The following NANS variants were observed in gnomAD, a reference collection of about 807,000 sequenced individuals.
NANS encodes N-acetylneuraminate synthase.
Under a neutral mutation model 33.3 loss-of-function variants are expected in NANS, and 29 were observed. The observed-to-expected ratio is 0.87, with a 90% CI of 0.65 to 1.19. NANS has a LOEUF of 1.19. NANS is among the 50% of genes most tolerant of loss of function. The probability of loss-of-function intolerance (pLI) is 0.00; values close to 1 mark genes in which losing one functional copy is unlikely to be tolerated. For synonymous variants in NANS, 163 were observed against 177.2 expected (o/e 0.92, Z 0.64); for missense variants, 394 against 461.1 (o/e 0.85, Z 1.33).
chr9:98,073,271 CTTTTTTTTTTTTT>C (rs10606237), intron 2 of NANS, among the ~76,000 whole-genome samples: 14 of 57,826 alleles, frequency 2.4e-4, no homozygotes, highest in African/African-American at 3.5e-4. Context: ...TCACCATGGG[CTTTTTTTTTTTTT>C]TTTTTTTTTT....
Position 98,080,215 on chromosome 9 carries a change from A to G in NANS, c.604-601A>G, listed in dbSNP as rs1179229101. ...GGTGACAGAGCAAGACTCTGTTTCA[A>G]AAAGAAATAATAAATAACAATAAAA... On this transcript the variant is annotated intron_variant, in intron 4 of 5. Transcript: ENST00000210444. Among the ~76,000 whole-genome samples, 6 of 152,218 alleles carry G rather than the reference A, an allele frequency of 3.9e-5. No homozygotes were observed. The East Asian group carries it at 1.2e-3, about 29-fold the overall frequency.
intron 1 of NANS, among the ~76,000 whole-genome samples, chr9:98,057,909 T>G (rs1828873484): frequency 6.8e-6 from 1 of 146,260 alleles, no homozygotes; most frequent in Admixed American, 7.3e-5. Context: ...ACTGTTTTTT[T>G]TTTTTTTTCC....
chr9:98,067,870 C>T (rs1053437688), intron 2 of NANS, among the ~76,000 whole-genome samples: 3 of 151,908 alleles, frequency 2.0e-5, no homozygotes, highest in Admixed American at 6.6e-5. Flanking sequence ...TATAGGCATG[C>T]GCCATCAGAC....
chr9:98,057,118 C>G lies in NANS; in HGVS notation c.132+178C>G, dbSNP rs555568968. ...TCTTCCTCACCGTGTCCGCCACCCT[C>G]GTGACCTTTCTGCATTACAGCAGCT... On this transcript the variant is annotated intron_variant, in intron 1 of 5. Transcript: ENST00000210444. 3.3e-5 allele frequency among the ~76,000 whole-genome samples: 5 copies of G among 152,372 alleles called. No individual in the cohort carries two copies. The East Asian group carries it at 9.6e-4, about 29-fold the overall frequency.
chr9:98,065,504 TTTTTTTG>T, intron 2 of NANS, among the ~76,000 whole-genome samples: 1 of 137,148 alleles, frequency 7.3e-6, no homozygotes, highest in African/African-American at 2.8e-5. Flanking sequence ...TTTTTTTTTT[TTTTTTTG>T]TATTTTTAGT....
In NANS at chr9:98,056,805, T is replaced by C; in HGVS notation, c.-4T>C. The C allele has an allele frequency of 6.2e-7, 1 of 1,610,442 alleles. No individual in the cohort carries two copies. On this transcript the variant is annotated 5_prime_UTR_variant, in exon 1 of 6. Coordinates refer to ENST00000210444, the MANE Select transcript of NANS (RefSeq NM_018946.4). ...AGTGAGGCTTTGGACCCCGAGCCGCTGCAATGCCGCTGGAGCTGGAGCTGT... is the reference window on the plus strand; with the variant it reads ...AGTGAGGCTTTGGACCCCGAGCCGCCGCAATGCCGCTGGAGCTGGAGCTGT...
intron 2 of NANS, among the ~76,000 whole-genome samples, chr9:98,063,844 G>GT (rs1263186827): frequency 1.3e-5 from 2 of 152,100 alleles, no homozygotes; most frequent in Non-Finnish European, 2.9e-5. Context: ...CACCCAGCCT[G>GT]TTTTTTTGTG....
chr9:98,070,817 T>G lies in NANS; in HGVS notation c.349-6101T>G, dbSNP rs540504689. Among the ~76,000 whole-genome samples, 294 of 152,060 alleles carry G rather than the reference T, an allele frequency of 1.9e-3. 1 individual carries two copies. Among genetic ancestry groups the G allele is most frequent in the African/African-American group, 6.8e-3 (283 of 41,446 alleles). ...GCAGACTCTTTAGTAATTTTTTTTTTTTTTTGAGACAGGGTCTCACTCTGT... is the reference window on the plus strand; with the variant it reads ...GCAGACTCTTTAGTAATTTTTTTTTGTTTTTGAGACAGGGTCTCACTCTGT... On this transcript the variant is annotated intron_variant, in intron 2 of 5. Transcript: ENST00000210444.
intron 2 of NANS, among the ~76,000 whole-genome samples, chr9:98,067,829 C>T (rs1447968923): frequency 7.5e-6 from 1 of 133,700 alleles, no homozygotes; most frequent in Non-Finnish European, 1.5e-5. Context: ...TCAAGCAATC[C>T]TCCCACCTCA....
At position 98,056,744 on chromosome 9, in the gene NANS, A is replaced by AGAGGCG. The variant is rs1448942689; in HGVS notation, c.-63_-58dup. ...CGCAGCGTTGCTCACAGAACAGAGT[A>AGAGGCG]GAGGCGGCGGCGGCGGCGGCCGGAC... is the stretch of plus-strand genomic sequence containing the variant. On this transcript the variant is annotated 5_prime_UTR_variant, in exon 1 of 6. Transcript: ENST00000210444. 6.4e-7 allele frequency: 1 copy of AGAGGCG among 1,568,198 alleles called. No homozygotes were observed. Among genetic ancestry groups the AGAGGCG allele is most frequent in the African/African-American group, 1.4e-5 (1 of 73,366 alleles).
At chr9:98,068,118 A>G (rs1356179642) in intron 2 of NANS, among the ~76,000 whole-genome samples, 3 of 151,760 alleles carry the variant, frequency 2.0e-5, no homozygotes, top group Non-Finnish European at 2.9e-5. Context: ...TTATCTATTT[A>G]TATGTTTAAA....
In NANS at chr9:98,056,750, G is replaced by A. The variant is rs1302717119; in HGVS notation, c.-59G>A. ...GTTGCTCACAGAACAGAGTAGAGGC[G>A]GCGGCGGCGGCGGCCGGACCCAGAC... On this transcript the variant is annotated 5_prime_UTR_variant, in exon 1 of 6. Transcript: ENST00000210444. 4 of 1,579,022 alleles carry A rather than the reference G, an allele frequency of 2.5e-6. No individual in the cohort carries two copies. The highest frequency in any genetic ancestry group is 3.4e-6 in the Non-Finnish European group (4 of 1,167,006).
At chr9:98,057,411 C>T (rs973027255) in intron 1 of NANS, among the ~76,000 whole-genome samples, 4 of 152,164 alleles carry the variant, frequency 2.6e-5, no homozygotes, top group Non-Finnish European at 4.4e-5. Flanking sequence ...CTCTCTCACC[C>T]GCCATTCCCT....
intron 4 of NANS, among the ~76,000 whole-genome samples, chr9:98,080,247 T>G (rs1411600306): frequency 6.6e-6 from 1 of 152,166 alleles, no homozygotes; most frequent in East Asian, 1.9e-4. Context: ...AAAATAATAA[T>G]ACACGCTACC....
At chr9:98,061,060 G>T in intron 2 of NANS, 63 bp downstream of exon 2, 1 of 1,528,018 alleles carries the variant, frequency 6.5e-7, no homozygotes. Flanking sequence ...AGGCAGCCTG[G>T]TGACTTCCGG....
chr9:98,073,874 C>T (rs1484685911), intron 2 of NANS, among the ~76,000 whole-genome samples: 2 of 152,100 alleles, frequency 1.3e-5, no homozygotes, highest in African/African-American at 2.4e-5. Flanking sequence ...GCAGCCTCAA[C>T]CTCCTGGGTT....
chr9:98,078,529 G>T (rs1318995816), intron 4 of NANS, among the ~76,000 whole-genome samples, 182 bp downstream of exon 4: 1 of 152,060 alleles, frequency 6.6e-6, no homozygotes, highest in Non-Finnish European at 1.5e-5. Flanking sequence ...ATTCTAAAGA[G>T]GGTGACTGTA....
chr9:98,076,838 T>A lies in NANS; in HGVS notation c.349-80T>A, dbSNP rs1009145500. On this transcript the variant is annotated intron_variant, in intron 2 of 5. Coordinates refer to ENST00000210444, the MANE Select transcript of NANS (RefSeq NM_018946.4). ...TGCCTAAGATGAGGGGTTTTTCTACTTGTATGTTATTCCTTGCCTGTCATA... is the reference window on the plus strand; with the variant it reads ...TGCCTAAGATGAGGGGTTTTTCTACATGTATGTTATTCCTTGCCTGTCATA... 25 of 1,167,942 alleles carry A rather than the reference T, an allele frequency of 2.1e-5. No individual in the cohort carries two copies. In the African/African-American group the frequency reaches 3.7e-4, roughly 17 times the overall value. 72.3% of individuals were successfully genotyped at this position (1,167,942 alleles called of 1,614,324 possible).
rs1488001234 is a variant in NANS, at chr9:98,081,008, G to C, written c.796G>C (p.Val266Leu). 6 of 1,614,214 alleles carry C rather than the reference G, an allele frequency of 3.7e-6. No homozygotes were observed. The highest frequency in any genetic ancestry group is 5.1e-6 in the Non-Finnish European group (6 of 1,180,048). Residue 266 changes from valine to leucine, a missense_variant, in exon 5 of 6, where the codon GTG becomes CTG. By Grantham distance (32) the Val-to-Leu change is conservative. Coordinates refer to ENST00000210444, the MANE Select transcript of NANS (RefSeq NM_018946.4). ...AGAACTGGCCGAGCTGGTGCGGTCA[G>C]TGCGTCTTGTGGAGCGTGCCCTGGG... ...PGELAELVRS[V>L]RLVERALGSP...
Sources: gnomAD v4.1 joint callset for allele counts (sites outside exome capture counted in the v4.1 genomes callset) on GRCh38, gnomAD v4.1.1 for gene constraint, MANE v1.5 for transcripts, NCBI Gene and HGNC (gene_info 2026-07-23, HGNC 2026-07-21) for gene names.